CTNNA3: variants seen among roughly 807,000 people sequenced by gnomAD.
The protein encoded by CTNNA3 is catenin alpha 3, also known as catenin alpha-3.
A neutral mutation model predicts 95.7 loss-of-function variants in CTNNA3; 76 were observed. The observed-to-expected ratio is 0.79, with a 90% CI of 0.66 to 0.96. The LOEUF (loss-of-function observed/expected upper bound fraction) is 0.96, where lower values mean the gene tolerates loss of function less well. Ranked by LOEUF, CTNNA3 falls within the 40% of genes least tolerant of loss-of-function variation. The pLI is 0.00. For synonymous variants in CTNNA3, 431 were observed against 374.4 expected, an observed-to-expected ratio of 1.15 and a Z score of -1.74; for missense variants, 1,191 against 1,089.8, an observed-to-expected ratio of 1.09 and a Z score of -1.31.
At chr10:66,076,228 A>T (rs1334654583) in intron 14 of CTNNA3, among the ~76,000 whole-genome samples, 1 of 151,698 alleles carries the variant, frequency 6.6e-6, no homozygotes, top group Admixed American at 6.6e-5. Flanking sequence ...GCATTTGGGA[A>T]ATAGATGTAT....
intron 11 of CTNNA3, among the ~76,000 whole-genome samples, chr10:66,478,615 TC>T (rs1253745679): frequency 6.6e-6 from 1 of 151,962 alleles, no homozygotes; most frequent in African/African-American, 2.4e-5. Context: ...ATGCTTTTAA[TC>T]CTTTAGATCA....
intron 7 of CTNNA3, among the ~76,000 whole-genome samples, chr10:67,045,254 T>C (rs1448911844): frequency 6.6e-6 from 1 of 152,212 alleles, no homozygotes; most frequent in Non-Finnish European, 1.5e-5. Flanking sequence ...ACCTGTTTTG[T>C]GACAGTAGAG....
intron 16 of CTNNA3, among the ~76,000 whole-genome samples, chr10:65,985,760 T>A (rs1252887523): frequency 6.6e-6 from 1 of 151,530 alleles, no homozygotes; most frequent in Non-Finnish European, 1.5e-5. Context: ...AACATAGAAC[T>A]GAATGGCCTA....
chr10:65,995,450 A>G (rs1419055219), intron 15 of CTNNA3, among the ~76,000 whole-genome samples: 2 of 152,096 alleles, frequency 1.3e-5, no homozygotes, highest in Non-Finnish European at 2.9e-5. Context: ...TCCTCTGTCA[A>G]TTAGGCTGTG....
At chr10:66,182,040 A>G (rs1033623301) in intron 13 of CTNNA3, among the ~76,000 whole-genome samples, 1 of 152,154 alleles carries the variant, frequency 6.6e-6, no homozygotes, top group Non-Finnish European at 1.5e-5. Flanking sequence ...CCACAAACCA[A>G]TAATCTGTAT....
intron 7 of CTNNA3, among the ~76,000 whole-genome samples, chr10:67,153,980 A>G (rs1861190125): frequency 6.6e-6 from 1 of 152,130 alleles, no homozygotes; most frequent in Non-Finnish European, 1.5e-5. Flanking sequence ...CCTTTAAGGG[A>G]GAAAGGTAAT....
chr10:67,482,109 T>G (rs1459120508), intron 5 of CTNNA3, among the ~76,000 whole-genome samples: 3 of 151,920 alleles, frequency 2.0e-5, no homozygotes, highest in Non-Finnish European at 2.9e-5. Flanking sequence ...TTGATCTATA[T>G]CTCTGTTTTG....
chr10:66,139,760 C>T (rs534619550), intron 13 of CTNNA3, among the ~76,000 whole-genome samples: 12 of 152,198 alleles, frequency 7.9e-5, no homozygotes, highest in East Asian at 7.7e-4. Context: ...CAGCTCTGGG[C>T]GGGAATCAGG....
chr10:66,592,287 C>A (rs535584850), intron 10 of CTNNA3, among the ~76,000 whole-genome samples: 1 of 151,784 alleles, frequency 6.6e-6, no homozygotes, highest in African/African-American at 2.4e-5. Context: ...GTATTTATCA[C>A]AGTTTTTAGG....
rs1554810757 is a variant in CTNNA3 at position 67,237,122 on chromosome 10, G to GTGTATATATA, written c.580-17253_580-17252insTATATATACA. On this transcript the variant is annotated intron_variant, in intron 5 of 17. Transcript: ENST00000433211. ...AATGAGTGGATAAAGAAACTATGGT[G>GTGTATATATA]TATGTATATATATATATATATATAT... Among the ~76,000 whole-genome samples the GTGTATATATA allele has an allele frequency of 8.8e-5, 7 of 79,636 alleles. 1 individual carries two copies. Among genetic ancestry groups the GTGTATATATA allele is most frequent in the South Asian group, 6.3e-4 (1 of 1,578 alleles). 52.2% of individuals were successfully genotyped at this position (79,636 alleles called of 152,430 possible).
At chr10:67,405,518 C>G (rs1462779130) in intron 5 of CTNNA3, among the ~76,000 whole-genome samples, 3 of 152,112 alleles carry the variant, frequency 2.0e-5, no homozygotes, top group Non-Finnish European at 4.4e-5. Context: ...TATGTGCACC[C>G]AAAACAGGAA....
At chr10:66,763,307 AACACACACACAC>A (rs138081667) in intron 9 of CTNNA3, among the ~76,000 whole-genome samples, 3 of 145,222 alleles carry the variant, frequency 2.1e-5, no homozygotes, top group East Asian at 4.1e-4. Flanking sequence ...TCATGAGATA[AACACACACACAC>A]ACACACACAC....
At chr10:67,690,104 T>A (rs1840813622) in intron 1 of CTNNA3, among the ~76,000 whole-genome samples, 1 of 152,150 alleles carries the variant, frequency 6.6e-6, no homozygotes, top group South Asian at 2.1e-4. Context: ...TGTTCATATG[T>A]GTCCGGAGTT....
intron 13 of CTNNA3, among the ~76,000 whole-genome samples, chr10:66,205,789 T>C (rs999538171): frequency 1.3e-5 from 2 of 152,026 alleles, no homozygotes; most frequent in African/African-American, 4.8e-5. Context: ...CATTTATCCA[T>C]AAAGCCTGTC....
intron 5 of CTNNA3, among the ~76,000 whole-genome samples, chr10:67,262,442 C>T (rs1294305943): frequency 6.6e-6 from 1 of 152,084 alleles, no homozygotes; most frequent in Non-Finnish European, 1.5e-5. Context: ...GGGAGGAAAG[C>T]TTATTACTAG....
intron 7 of CTNNA3, among the ~76,000 whole-genome samples, chr10:66,992,483 G>A (rs552549825): frequency 1.3e-5 from 2 of 148,944 alleles, no homozygotes; most frequent in African/African-American, 5.0e-5. Flanking sequence ...TTCTTTGTCA[G>A]TTCTAGTTTT....
chr10:67,115,589 C>T (rs1859138218), intron 7 of CTNNA3, among the ~76,000 whole-genome samples: 1 of 151,556 alleles, frequency 6.6e-6, no homozygotes. Context: ...TTCTGAAGCC[C>T]ACAAAATTAG....
intron 11 of CTNNA3, among the ~76,000 whole-genome samples, chr10:66,406,209 A>T (rs932632069): frequency 6.6e-6 from 1 of 152,118 alleles, no homozygotes; most frequent in African/African-American, 2.4e-5. Flanking sequence ...ACCCACCTCC[A>T]CTTTTGAGGA....
Position 66,257,571 on chromosome 10 carries a change from A to G in CTNNA3, c.1884+22899T>C, listed in dbSNP as rs138902058. On this transcript the variant is annotated intron_variant, in intron 13 of 17. Coordinates refer to ENST00000433211, the MANE Select transcript of CTNNA3 (RefSeq NM_013266.4). Reference sequence around the variant, plus strand: ...AAACTCAAACTCTAAAACAAGTGCCATTTGAAGTTGGAATACTTCTCTTCC... The same window carrying G: ...AAACTCAAACTCTAAAACAAGTGCCGTTTGAAGTTGGAATACTTCTCTTCC... 3.9e-5 allele frequency among the ~76,000 whole-genome samples: 6 copies of G among 152,338 alleles called. No individual in the cohort carries two copies. In the East Asian group the frequency reaches 1.2e-3, roughly 29 times the overall value.
Sources: allele counts gnomAD v4.1 joint callset (sites outside exome capture counted in the v4.1 genomes callset), GRCh38; gene constraint gnomAD v4.1.1; transcripts MANE v1.5; gene names NCBI Gene and HGNC (gene_info 2026-07-23, HGNC 2026-07-21).